Variants in TIMM23B observed in about 807,000 individuals in gnomAD.
TIMM23B encodes the protein translocase of inner mitochondrial membrane 23 homolog B.
TIMM23B carries 27 observed loss-of-function variants against 27.3 expected under a neutral mutation model. The observed-to-expected ratio is 0.99, with a 90% CI of 0.73 to 1.36. The LOEUF is 1.36. TIMM23B is among the 40% of genes most tolerant of loss of function. The probability of loss-of-function intolerance (pLI) is 0.00; values close to 1 mark genes in which losing one functional copy is unlikely to be tolerated. For synonymous variants in TIMM23B, 73 were observed against 92.4 expected (o/e 0.79, Z 1.21); for missense variants, 205 against 244.2 (o/e 0.84, Z 1.07).
intron 6 of TIMM23B, among the ~76,000 whole-genome samples, chr10:49,967,214 G>T (rs1400199109): frequency 1.2e-4 from 18 of 152,008 alleles, no homozygotes; most frequent in Non-Finnish European, 2.2e-4. Flanking sequence ...GAACCACCGC[G>T]CCCGGCCCCC....
intron 6 of TIMM23B, among the ~76,000 whole-genome samples, chr10:49,964,281 C>T (rs1438779490): frequency 6.6e-6 from 1 of 151,930 alleles, no homozygotes; most frequent in African/African-American, 2.4e-5. Flanking sequence ...CACACTCCAG[C>T]CTGGGCAATA....
intron 2 of TIMM23B, among the ~76,000 whole-genome samples, chr10:49,948,199 A>G (rs1839413837): frequency 6.6e-6 from 1 of 152,234 alleles, no homozygotes; most frequent in South Asian, 2.1e-4. Context: ...GGGGATCACT[A>G]TAATCAAAAA....
rs566506663 is a variant in TIMM23B at position 49,965,503 on chromosome 10, C to T, written c.514+7023C>T. Among the ~76,000 whole-genome samples the T allele has an allele frequency of 3.7e-3, 560 of 150,064 alleles. 6 individuals are homozygous for T. The highest frequency in any genetic ancestry group is 7.1e-3 in the Non-Finnish European group (478 of 67,440). The stretch of plus-strand genomic sequence containing the variant: ...CTCCAGACTGGGCGATAGAGCGAGT[C>T]TCTGTCTCGAAATGAAATGAAACAA... On this transcript the variant is annotated intron_variant, in intron 6 of 6. Coordinates refer to ENST00000651259, the MANE Select transcript of TIMM23B (RefSeq NM_001290117.2).
chr10:49,966,345 C>T (rs187557722), intron 6 of TIMM23B, among the ~76,000 whole-genome samples: 260 of 151,480 alleles, frequency 1.7e-3, no homozygotes, highest in African/African-American at 5.5e-3. Flanking sequence ...GGCGATTGAG[C>T]GAGTTTCCAT....
intron 6 of TIMM23B, among the ~76,000 whole-genome samples, chr10:49,964,029 A>T (rs1161492593): frequency 1.3e-5 from 2 of 152,054 alleles, no homozygotes; most frequent in Admixed American, 6.6e-5. Context: ...CGTGTGGTGC[A>T]CTCCAGCCTG....
At chr10:49,955,096 C>T in intron 5 of TIMM23B, 36 bp downstream of exon 5, 1 of 1,601,226 alleles carries the variant, frequency 6.2e-7, no homozygotes, top group South Asian at 1.1e-5. Context: ...AAATTGTTAA[C>T]TTAAAGAAAG....
intron 6 of TIMM23B, among the ~76,000 whole-genome samples, chr10:49,969,389 A>C (rs1564691247): frequency 6.9e-6 from 1 of 145,766 alleles, no homozygotes; most frequent in Non-Finnish European, 1.5e-5. Context: ...GTGTGCCTTC[A>C]TTGTGCCACT....
Position 49,957,060 on chromosome 10 carries a change from T to A in TIMM23B, c.404-1310T>A, listed in dbSNP as rs1473433870. On this transcript the variant is annotated intron_variant, in intron 5 of 6. Transcript: ENST00000651259. ...CATTAGATCAGCAGGTTGAGCACTC[T>A]GTCCCACAAAACTGAGCCCCACTTT... Among the ~76,000 whole-genome samples, 41 of 150,706 alleles carry A rather than the reference T, an allele frequency of 2.7e-4. 1 individual carries two copies. Among genetic ancestry groups the A allele is most frequent in the African/African-American group, 8.2e-4 (34 of 41,410 alleles).
At chr10:49,965,082 T>C (rs1840080693) in intron 6 of TIMM23B, among the ~76,000 whole-genome samples, 1 of 152,092 alleles carries the variant, frequency 6.6e-6, no homozygotes, top group Admixed American at 6.6e-5. Context: ...TAGCCGGGCA[T>C]GATGGCAGGT....
At chr10:49,962,151 A>G (rs1214834730) in intron 6 of TIMM23B, among the ~76,000 whole-genome samples, 2 of 152,212 alleles carry the variant, frequency 1.3e-5, no homozygotes, top group Non-Finnish European at 2.9e-5. Context: ...TTATGATTAA[A>G]TGAAAGTGCT....
At chr10:49,959,742 T>C (rs1330939858) in intron 6 of TIMM23B, among the ~76,000 whole-genome samples, 5 of 152,138 alleles carry the variant, frequency 3.3e-5, no homozygotes, top group Non-Finnish European at 5.9e-5. Context: ...AGGCAACTTT[T>C]AATTTTTTTT....
At chr10:49,964,978 T>C (rs1840074276) in intron 6 of TIMM23B, among the ~76,000 whole-genome samples, 1 of 152,134 alleles carries the variant, frequency 6.6e-6, no homozygotes, top group South Asian at 2.1e-4. Context: ...CCTAGCACTT[T>C]GGGAGGCCTA....
At chr10:49,945,183 C>T (rs1554912927) in intron 2 of TIMM23B, 93 bp downstream of exon 2, 3 of 1,316,152 alleles carry the variant, frequency 2.3e-6, no homozygotes, top group African/African-American at 3.0e-5. Flanking sequence ...ACATACACTT[C>T]TGGAGGCAGT....
At chr10:49,954,733 CTTATTA>C (rs1262233769) in intron 4 of TIMM23B, among the ~76,000 whole-genome samples, 10,602 of 144,976 alleles carry the variant, frequency 0.073, 530 homozygotes, top group African/African-American at 0.13. Context: ...AAGAGTTTTC[CTTATTA>C]TTATTATTAT....
chr10:49,964,033 C>T (rs1411557437), intron 6 of TIMM23B, among the ~76,000 whole-genome samples: 2 of 152,052 alleles, frequency 1.3e-5, no homozygotes, highest in East Asian at 3.9e-4. Context: ...TGGTGCACTC[C>T]AGCCTGGGCA....
intron 1 of TIMM23B, among the ~76,000 whole-genome samples, chr10:49,942,855 T>C (rs1409908131): frequency 6.6e-6 from 1 of 152,186 alleles, no homozygotes; most frequent in Non-Finnish European, 1.5e-5. Flanking sequence ...GTAAGAATTA[T>C]AGGAAAGGAA....
intron 1 of TIMM23B, among the ~76,000 whole-genome samples, chr10:49,942,841 C>G (rs1839192554): frequency 6.6e-6 from 1 of 152,018 alleles, no homozygotes; most frequent in African/African-American, 2.4e-5. Context: ...AAGAAAGAAG[C>G]CAGGTAAGAA....
At chr10:49,972,247 T>C (rs1423904027) in intron 6 of TIMM23B, among the ~76,000 whole-genome samples, 1 of 152,250 alleles carries the variant, frequency 6.6e-6, no homozygotes, top group East Asian at 1.9e-4. Context: ...TTCACAGTGC[T>C]GCTTGTGGGT....
At chr10:49,964,401 A>G (rs1182430545) in intron 6 of TIMM23B, among the ~76,000 whole-genome samples, 6 of 151,938 alleles carry the variant, frequency 3.9e-5, no homozygotes, top group African/African-American at 1.5e-4. Flanking sequence ...GTGGTGGCGC[A>G]GTCCAGCCTG....
Sources: gnomAD v4.1 joint callset for allele counts (sites outside exome capture counted in the v4.1 genomes callset) on GRCh38, gnomAD v4.1.1 for gene constraint, MANE v1.5 for transcripts, NCBI Gene and HGNC (gene_info 2026-07-23, HGNC 2026-07-21) for gene names.